RFX3: variants seen among roughly 807,000 people sequenced by gnomAD.
The protein encoded by RFX3 is regulatory factor X3, also known as transcription factor RFX3.
RFX3 carries 14 observed loss-of-function variants against 98.6 expected under a neutral mutation model. That is an observed-to-expected ratio of 0.14 (90% CI 0.09 to 0.22). RFX3 has a LOEUF of 0.22. Among genes scored for constraint, RFX3 ranks in the 10% least tolerant of loss-of-function variants. RFX3 has a pLI of 1.00. For synonymous variants in RFX3, 383 were observed against 328.4 expected (o/e 1.17, Z -1.80); for missense variants, 639 against 926.9 (o/e 0.69, Z 4.03).
At chr9:3,278,654 C>A (rs774566896) in intron 7 of RFX3, among the ~76,000 whole-genome samples, 1 of 151,818 alleles carries the variant, frequency 6.6e-6, no homozygotes, top group African/African-American at 2.4e-5. Context: ...GAACATCATA[C>A]AAACTAATGC....
chr9:3,503,070 C>T (rs1179083444), intron 1 of RFX3, among the ~76,000 whole-genome samples: 3 of 152,124 alleles, frequency 2.0e-5, no homozygotes, highest in Non-Finnish European at 2.9e-5. Context: ...ATAAACACAA[C>T]GGTGGTACAA....
intron 1 of RFX3, among the ~76,000 whole-genome samples, chr9:3,479,911 G>A (rs7026025): frequency 0.23 from 34,227 of 152,070 alleles, 7,181 homozygotes; most frequent in East Asian, 0.58. Context: ...GGCCAAAATC[G>A]CGGGCTTCTG....
intron 7 of RFX3, among the ~76,000 whole-genome samples, chr9:3,286,799 C>T (rs1464624727): frequency 6.6e-6 from 1 of 151,920 alleles, no homozygotes; most frequent in Non-Finnish European, 1.5e-5. Context: ...TTCTGTAATA[C>T]CAGCCTCAAT....
At chr9:3,409,030 T>A (rs954693391) in intron 1 of RFX3, among the ~76,000 whole-genome samples, 1 of 152,256 alleles carries the variant, frequency 6.6e-6, no homozygotes, top group African/African-American at 2.4e-5. Flanking sequence ...CTTTTAAGAA[T>A]TCTCCGATAT....
Position 3,236,746 on chromosome 9 carries a change from T to G in RFX3, c.1969-7857A>C, listed in dbSNP as rs149939195. 1.7e-3 allele frequency among the ~76,000 whole-genome samples: 259 copies of G among 152,298 alleles called. 1 individual carries two copies. The highest frequency in any genetic ancestry group is 3.0e-3 in the Non-Finnish European group (206 of 68,030). On this transcript the variant is annotated intron_variant, in intron 15 of 16. Coordinates refer to ENST00000617270, the MANE Select transcript of RFX3 (RefSeq NM_001282116.2). ...TGGGAACATGATAATCAGCAACAGATAGTCCACATATGTGAAAATGTTAAC... is the reference window on the plus strand; with the variant it reads ...TGGGAACATGATAATCAGCAACAGAGAGTCCACATATGTGAAAATGTTAAC...
At chr9:3,347,017 G>C (rs988053284) in intron 2 of RFX3, among the ~76,000 whole-genome samples, 1 of 152,084 alleles carries the variant, frequency 6.6e-6, no homozygotes, top group African/African-American at 2.4e-5. Context: ...AACTGTTCAG[G>C]TTTAAAATTA....
chr9:3,372,122 G>A (rs1270099998), intron 2 of RFX3, among the ~76,000 whole-genome samples: 5 of 152,128 alleles, frequency 3.3e-5, no homozygotes, highest in Non-Finnish European at 4.4e-5. Context: ...CTTTGCCTGA[G>A]AGATTTCTTG....
At chr9:3,396,780 T>A (rs1189385982) in intron 1 of RFX3, among the ~76,000 whole-genome samples, 2 of 152,250 alleles carry the variant, frequency 1.3e-5, no homozygotes, top group African/African-American at 2.4e-5. Context: ...TTTGCATTTC[T>A]CTGATCGCCA....
rs1848029055 is a variant in RFX3, at chr9:3,464,595, G to A, written c.-9+61152C>T. Among the ~76,000 whole-genome samples, 3 of 152,146 alleles carry A rather than the reference G, an allele frequency of 2.0e-5. No homozygotes were observed. The South Asian group carries it at 6.2e-4, about 32-fold the overall frequency. The stretch of plus-strand genomic sequence containing the variant: ...AGTACTATAAAGTAGATCTGCGGTT[G>A]CCAGGAGCAATGAGATGGGGTAAAG... On this transcript the variant is annotated intron_variant, in intron 1 of 16. Coordinates refer to ENST00000617270, the MANE Select transcript of RFX3 (RefSeq NM_001282116.2).
At chr9:3,260,973 T>A (rs941755773) in intron 13 of RFX3, among the ~76,000 whole-genome samples, 1 of 151,362 alleles carries the variant, frequency 6.6e-6, no homozygotes, top group Admixed American at 6.6e-5. Flanking sequence ...AATGAACAAC[T>A]AATTTTTATC....
intron 1 of RFX3, among the ~76,000 whole-genome samples, chr9:3,470,391 T>A (rs1473861590): frequency 6.6e-6 from 1 of 151,172 alleles, no homozygotes; most frequent in Non-Finnish European, 1.5e-5. Flanking sequence ...CTTGACTCAC[T>A]ACAAGCTCCG....
Position 3,257,313 on chromosome 9 carries a change from T to C in RFX3, c.1606-114A>G. On this transcript the variant is annotated intron_variant, in intron 13 of 16. Coordinates refer to ENST00000617270, the MANE Select transcript of RFX3 (RefSeq NM_001282116.2). ...AAATTATAATAAAAGCTTCACACAGTTAAATGAATCCAGAAAATAAAAAAC... is the reference window on the plus strand; with the variant it reads ...AAATTATAATAAAAGCTTCACACAGCTAAATGAATCCAGAAAATAAAAAAC... 7 of 799,060 alleles carry C rather than the reference T, an allele frequency of 8.8e-6. No homozygotes were observed. In the South Asian group the frequency reaches 1.1e-4, roughly 12 times the overall value. 49.5% of individuals were successfully genotyped at this position (799,060 alleles called of 1,614,324 possible). A position where few individuals can be genotyped will look rare whatever the true frequency, so the allele number is the denominator to read the frequency against.
intron 2 of RFX3, among the ~76,000 whole-genome samples, chr9:3,347,186 C>T (rs1168696611): frequency 6.6e-6 from 1 of 151,896 alleles, no homozygotes; most frequent in Admixed American, 6.6e-5. Flanking sequence ...CTGGGTGTGG[C>T]GGCATGCGCC....
intron 1 of RFX3, among the ~76,000 whole-genome samples, chr9:3,415,773 C>A (rs1248110980): frequency 6.6e-6 from 1 of 152,160 alleles, no homozygotes; most frequent in African/African-American, 2.4e-5. Flanking sequence ...ATAATATGAA[C>A]TGCCTCTTTG....
chr9:3,355,169 A>G (rs1432195065), intron 2 of RFX3, among the ~76,000 whole-genome samples: 1 of 151,894 alleles, frequency 6.6e-6, no homozygotes, highest in African/African-American at 2.4e-5. Context: ...GAAATAAAAG[A>G]ACAGATGGGA....
intron 1 of RFX3, among the ~76,000 whole-genome samples, chr9:3,502,782 A>G (rs1033462379): frequency 6.6e-6 from 1 of 152,202 alleles, no homozygotes; most frequent in African/African-American, 2.4e-5. Flanking sequence ...TGTGAATGTT[A>G]GCCCTGAGTC....
chr9:3,253,479 T>C (rs1029205087), intron 14 of RFX3, among the ~76,000 whole-genome samples: 1 of 152,200 alleles, frequency 6.6e-6, no homozygotes, highest in Admixed American at 6.5e-5. Flanking sequence ...TGCTCTCTTC[T>C]GTTATCCAAA....
chr9:3,309,483 G>C (rs1829719724), intron 4 of RFX3, among the ~76,000 whole-genome samples: 1 of 151,836 alleles, frequency 6.6e-6, no homozygotes, highest in Non-Finnish European at 1.5e-5. Context: ...AAGCATTCAA[G>C]AGCCACCCTG....
At chr9:3,423,219 G>A (rs1202508448) in intron 1 of RFX3, among the ~76,000 whole-genome samples, 1 of 152,060 alleles carries the variant, frequency 6.6e-6, no homozygotes, top group Non-Finnish European at 1.5e-5. Flanking sequence ...ACCACTTCAG[G>A]AAGCACTTTG....
Sources: allele counts gnomAD v4.1 joint callset (sites outside exome capture counted in the v4.1 genomes callset), GRCh38; gene constraint gnomAD v4.1.1; transcripts MANE v1.5; gene names NCBI Gene and HGNC (gene_info 2026-07-23, HGNC 2026-07-21).